The following BTG4 variants were observed in gnomAD, a reference collection of about 807,000 sequenced individuals.
The protein encoded by BTG4 is BTG anti-proliferation factor 4.
BTG4 carries 10 observed loss-of-function variants against 19.3 expected under a neutral mutation model. That is an observed-to-expected ratio of 0.52 (90% CI 0.32 to 0.88). BTG4 has a LOEUF of 0.88. Among genes scored for constraint, BTG4 ranks in the 40% least tolerant of loss-of-function variants. The pLI, the probability that BTG4 is intolerant of heterozygous loss-of-function variation, is 0.04. For synonymous variants in BTG4, 91 were observed against 95.7 expected (o/e 0.95, Z 0.29); for missense variants, 238 against 281.9 (o/e 0.84, Z 1.11).
chr11:111,445,775 G>C, the BTG4 span, among the ~76,000 whole-genome samples: 1 of 152,126 alleles, frequency 6.6e-6, no homozygotes, highest in Non-Finnish European at 1.5e-5. Context: ...ATCTTGTCTT[G>C]TGTTGACTCA....
At chr11:111,461,539 G>A in the BTG4 span, among the ~76,000 whole-genome samples, 6 of 152,172 alleles carry the variant, frequency 3.9e-5, no homozygotes, top group East Asian at 7.7e-4. Context: ...TGGCCAACAC[G>A]GTGAAACCCC....
At chr11:111,492,656 G>A (rs2135643741), downstream of BTG4, among the ~76,000 whole-genome samples, 1 of 152,254 alleles carries the variant, frequency 6.6e-6, no homozygotes, top group East Asian at 1.9e-4. Context: ...CAGTCTATTG[G>A]GAGGATACTG....
the BTG4 span, chr11:111,454,269 T>C: frequency 3.3e-5 from 15 of 456,372 alleles, no homozygotes; most frequent in Non-Finnish European, 6.2e-5. Context: ...CAGGTAGATC[T>C]GGAGTGGTTT....
chr11:111,448,551 A>AGG, the BTG4 span: 1 of 152,956 alleles, frequency 6.5e-6, no homozygotes, highest in African/African-American at 2.4e-5. Context: ...CTGCCCTCCC[A>AGG]GGTTCTTCAA....
the BTG4 span, chr11:111,459,635 T>C: frequency 6.5e-6 from 1 of 152,686 alleles, no homozygotes; most frequent in Non-Finnish European, 1.5e-5. Context: ...TGATGCGCTA[T>C]CCTGGGACAG....
chr11:111,468,091 A>G (rs902135237), intron 5 of BTG4, among the ~76,000 whole-genome samples: 5 of 152,238 alleles, frequency 3.3e-5, no homozygotes, highest in Non-Finnish European at 7.3e-5. Context: ...GTCTATTGCT[A>G]AACAATTCTG....
chr11:111,458,397 G>A, the BTG4 span, among the ~76,000 whole-genome samples: 9 of 152,152 alleles, frequency 5.9e-5, no homozygotes, highest in South Asian at 2.1e-4. Context: ...TTCATACCCC[G>A]ACCCCATGAG....
chr11:111,423,855 C>T, the BTG4 span, among the ~76,000 whole-genome samples: 140,075 of 152,172 alleles, frequency 0.92, 64,821 homozygotes, highest in East Asian at 1. Flanking sequence ...ACTGTTAAGA[C>T]GAAAGGACAT....
At chr11:111,467,128 A>G (rs73011371), downstream of BTG4, among the ~76,000 whole-genome samples, 708 of 152,354 alleles carry the variant, frequency 4.6e-3, 3 homozygotes, top group Middle Eastern at 0.014. Flanking sequence ...TACATGCCAG[A>G]AAATATTCTA....
At chr11:111,439,023 C>G in the BTG4 span, among the ~76,000 whole-genome samples, 1 of 152,202 alleles carries the variant, frequency 6.6e-6, no homozygotes, top group Admixed American at 6.5e-5. Context: ...TGTTACCTGA[C>G]TAGCACGTGG....
the BTG4 span, among the ~76,000 whole-genome samples, chr11:111,423,398 T>TC: frequency 1.3e-5 from 2 of 152,196 alleles, no homozygotes; most frequent in African/African-American, 2.4e-5. Flanking sequence ...AAACTTGAAA[T>TC]AACTCCCAGG....
chr11:111,402,154 T>C, the BTG4 span, among the ~76,000 whole-genome samples: 1 of 152,116 alleles, frequency 6.6e-6, no homozygotes, highest in African/African-American at 2.4e-5. Context: ...TGAGATCTGA[T>C]GGTTTTGTCA....
the BTG4 span, among the ~76,000 whole-genome samples, chr11:111,387,311 A>C: frequency 6.6e-6 from 1 of 152,216 alleles, no homozygotes; most frequent in Admixed American, 6.5e-5. Context: ...ATCATCTGCA[A>C]ATATGGTTGA....
the BTG4 span, among the ~76,000 whole-genome samples, chr11:111,438,398 C>T: frequency 6.6e-6 from 1 of 152,352 alleles, no homozygotes. Context: ...AATTCCTTGG[C>T]TCATGCAGCC....
chr11:111,497,965 A>G (rs377414746), intron 3 of BTG4, 33 bp downstream of exon 3: 3 of 1,603,674 alleles, frequency 1.9e-6, no homozygotes, highest in African/African-American at 1.3e-5. Context: ...GTTTCCAGGT[A>G]TCACACAGCA....
At chr11:111,496,404 C>T (rs923400302) in intron 4 of BTG4, 2 of 152,030 alleles carry the variant, frequency 1.3e-5, no homozygotes, top group Non-Finnish European at 2.9e-5. Context: ...CAAGAAACAA[C>T]CTAAAATTCA....
chr11:111,503,710 T>G (rs17112950), intron 1 of BTG4, among the ~76,000 whole-genome samples: 1,957 of 152,242 alleles, frequency 0.013, 47 homozygotes, highest in African/African-American at 0.044. Context: ...TTATTTCCTA[T>G]TATGCCTGTA....
intron 5 of BTG4, among the ~76,000 whole-genome samples, chr11:111,484,651 A>G (rs1006865845): frequency 6.6e-6 from 1 of 152,144 alleles, no homozygotes; most frequent in Non-Finnish European, 1.5e-5. Context: ...AGAGATACAC[A>G]CACAAAAAAA....
intron 2 of BTG4, among the ~76,000 whole-genome samples, 197 bp downstream of exon 2, chr11:111,498,407 G>T (rs527847): frequency 0.51 from 77,912 of 152,068 alleles, 22,787 homozygotes; most frequent in South Asian, 0.72. Flanking sequence ...CTCACATAAG[G>T]GGCTTTGCTC....
Sources: gnomAD v4.1 joint callset for allele counts (sites outside exome capture counted in the v4.1 genomes callset) on GRCh38, gnomAD v4.1.1 for gene constraint, MANE v1.5 for transcripts, NCBI Gene and HGNC (gene_info 2026-07-23, HGNC 2026-07-21) for gene names.